Variants in PBX1 observed in about 807,000 individuals in gnomAD.
PBX1 encodes the protein pre-B-cell leukemia transcription factor 1.
A neutral mutation model predicts 53.4 loss-of-function variants in PBX1; 6 were observed. The observed-to-expected ratio is 0.11, with a 90% confidence interval of 0.06 to 0.22. The LOEUF is 0.22. Ranked by LOEUF, PBX1 falls within the 10% of genes least tolerant of loss-of-function variation. The probability of loss-of-function intolerance (pLI) is 1.00; values close to 1 mark genes in which losing one functional copy is unlikely to be tolerated. For synonymous variants in PBX1, 204 were observed against 212.3 expected (o/e 0.96, Z 0.34); for missense variants, 251 against 551.4 (o/e 0.46, Z 5.46).
chr1:164,801,843 A>G (rs537759010), intron 4 of PBX1, among the ~76,000 whole-genome samples: 1 of 152,352 alleles, frequency 6.6e-6, no homozygotes, highest in South Asian at 2.1e-4. Context: ...CATGACCCCA[A>G]ATTCCAGCCT....
chr1:164,840,318 A>C (rs1261558777), intron 8 of PBX1, among the ~76,000 whole-genome samples: 4 of 151,804 alleles, frequency 2.6e-5, no homozygotes, highest in Non-Finnish European at 1.5e-5. Context: ...AGATTTAGCA[A>C]ATGGAAATAC....
At chr1:164,783,161 A>G (rs537349960) in intron 2 of PBX1, among the ~76,000 whole-genome samples, 97 of 152,282 alleles carry the variant, frequency 6.4e-4, no homozygotes, top group African/African-American at 2.2e-3. Flanking sequence ...AGGGGAGACT[A>G]GGGTTGAAGA....
chr1:164,740,012 C>T (rs868526202), intron 2 of PBX1, among the ~76,000 whole-genome samples: 1 of 152,102 alleles, frequency 6.6e-6, no homozygotes, highest in South Asian at 2.1e-4. Context: ...TAGCAACTAG[C>T]CTCAGAGACT....
chr1:164,688,657 A>G (rs1421153355), intron 2 of PBX1, among the ~76,000 whole-genome samples: 7 of 152,084 alleles, frequency 4.6e-5, no homozygotes. Context: ...TAAGGTCTTC[A>G]TCAATGACAC....
intron 5 of PBX1, among the ~76,000 whole-genome samples, chr1:164,810,792 A>G (rs1203297891): frequency 3.9e-5 from 6 of 152,214 alleles, no homozygotes; most frequent in African/African-American, 1.4e-4. Context: ...CAGTGTTTAC[A>G]ATAAATAAAG....
At chr1:164,782,040 A>G (rs1667958185) in intron 2 of PBX1, among the ~76,000 whole-genome samples, 1 of 151,978 alleles carries the variant, frequency 6.6e-6, no homozygotes, top group Non-Finnish European at 1.5e-5. Context: ...CCTCTGAAAA[A>G]CCCCAAAATA....
At chr1:164,800,115 G>A (rs1668996524) in intron 4 of PBX1, among the ~76,000 whole-genome samples, 1 of 152,180 alleles carries the variant, frequency 6.6e-6, no homozygotes, top group Admixed American at 6.5e-5. Context: ...ATGCACTCTG[G>A]GTAGCAGCAA....
chr1:164,594,392 TC>T (rs1360735230), intron 2 of PBX1, among the ~76,000 whole-genome samples: 1 of 152,136 alleles, frequency 6.6e-6, no homozygotes, highest in Non-Finnish European at 1.5e-5. Context: ...CCTCCTGGGT[TC>T]AAGCGATTCT....
intron 2 of PBX1, among the ~76,000 whole-genome samples, chr1:164,659,797 A>C (rs1370500220): frequency 1.3e-5 from 2 of 152,220 alleles, no homozygotes; most frequent in African/African-American, 4.8e-5. Flanking sequence ...CAGAGGTAGC[A>C]GCAGAATCGA....
At chr1:164,862,862 G>A (rs944078817) in intron 2 of PBX1, among the ~76,000 whole-genome samples, 1 of 152,194 alleles carries the variant, frequency 6.6e-6, no homozygotes, top group Non-Finnish European at 1.5e-5. Context: ...ATGATTAAAG[G>A]TAGTTGTGGA....
chr1:164,772,021 A>T (rs1667400014), intron 2 of PBX1, among the ~76,000 whole-genome samples: 2 of 152,174 alleles, frequency 1.3e-5, no homozygotes. Context: ...GGGGGGAAAA[A>T]AATCCTGCCC....
At chr1:164,689,555 C>T (rs1662338833) in intron 2 of PBX1, among the ~76,000 whole-genome samples, 1 of 152,128 alleles carries the variant, frequency 6.6e-6, no homozygotes, top group Admixed American at 6.5e-5. Context: ...TTTAATCCTC[C>T]ATAGCTATAT....
At chr1:164,812,177 G>A in intron 6 of PBX1, 28 bp downstream of exon 6, 2 of 1,589,258 alleles carry the variant, frequency 1.3e-6, no homozygotes, top group Non-Finnish European at 1.7e-6. Flanking sequence ...TTGGGGGTGG[G>A]GGAAGGAATT....
At chr1:164,617,359 C>T (rs369073044) in intron 2 of PBX1, among the ~76,000 whole-genome samples, 4 of 152,130 alleles carry the variant, frequency 2.6e-5, no homozygotes, top group South Asian at 2.1e-4. Context: ...TGGCACAGAC[C>T]GCTAGATCAG....
At chr1:164,724,353 A>T (rs1664568815) in intron 2 of PBX1, among the ~76,000 whole-genome samples, 1 of 152,122 alleles carries the variant, frequency 6.6e-6, no homozygotes, top group Admixed American at 6.5e-5. Context: ...AATACAAATG[A>T]CTTCTCTAGC....
rs1670154466 is a variant in PBX1, at chr1:164,821,545, C to G, written c.1119C>G (p.Thr373=). ...ATTGTTCATCTGTTTAGGTGGATAC[C>G]CTTCGCCATGTTATCAGCCAGACAG... The part of the protein sequence containing the change: ...VGANVQSQVD[T]LRHVISQTGG... Residue 373 remains threonine (T), a synonymous_variant, in exon 8 of 9, where the codon ACC becomes ACG. Transcript: ENST00000420696. 4.3e-6 allele frequency: 7 copies of G among 1,613,524 alleles called. No individual in the cohort carries two copies. The South Asian group carries it at 6.6e-5, about 15-fold the overall frequency.
At chr1:164,845,127 T>C (rs534051599) in intron 8 of PBX1, among the ~76,000 whole-genome samples, 71 of 152,334 alleles carry the variant, frequency 4.7e-4, no homozygotes, top group African/African-American at 1.7e-3. Flanking sequence ...TGGTAGGAGC[T>C]GCTTTGAATT....
intron 7 of PBX1, among the ~76,000 whole-genome samples, chr1:164,820,739 C>G (rs971687053): frequency 1.3e-5 from 2 of 152,154 alleles, no homozygotes; most frequent in African/African-American, 4.8e-5. Context: ...GAAGCAAAAT[C>G]AAGCCATGTG....
intron 2 of PBX1, among the ~76,000 whole-genome samples, chr1:164,620,010 T>C (rs946351167): frequency 5.9e-5 from 9 of 151,852 alleles, no homozygotes; most frequent in Non-Finnish European, 7.4e-5. Flanking sequence ...CTGGTCAACA[T>C]AGTGAGACCC....
Sources: allele counts gnomAD v4.1 joint callset (sites outside exome capture counted in the v4.1 genomes callset), GRCh38; gene constraint gnomAD v4.1.1; transcripts MANE v1.5; gene names NCBI Gene and HGNC (gene_info 2026-07-23, HGNC 2026-07-21).